The following SLC6A11 variants were observed in gnomAD, a reference collection of about 807,000 sequenced individuals.
The protein encoded by SLC6A11 is solute carrier family 6 member 11.
Under a neutral mutation model 74.8 loss-of-function variants are expected in SLC6A11, and 25 were observed. The ratio of observed to expected loss-of-function variants is 0.33; its 90% CI spans 0.24 to 0.47. SLC6A11 has a LOEUF of 0.47. Ranked by LOEUF, SLC6A11 falls within the 20% of genes least tolerant of loss-of-function variation. SLC6A11 has a pLI of 1.00. For synonymous variants in SLC6A11, 330 were observed against 330.2 expected, an observed-to-expected ratio of 1.00 and a Z score of 0.01; for missense variants, 574 against 837.0, an observed-to-expected ratio of 0.69 and a Z score of 3.88.
chr3:10,852,686 C>T (rs1227184212), intron 5 of SLC6A11, among the ~76,000 whole-genome samples: 1 of 152,212 alleles, frequency 6.6e-6, no homozygotes, highest in Non-Finnish European at 1.5e-5. Context: ...CAGCGCTGTC[C>T]CCGTGCACAT....
chr3:10,926,245 A>T lies in SLC6A11; in HGVS notation c.1233+129A>T, dbSNP rs1328325824. 1.6e-6 allele frequency: 1 copy of T among 625,074 alleles called. No individual in the cohort carries two copies. The highest frequency in any genetic ancestry group is 2.7e-5 in the East Asian group (1 of 37,528). 38.7% of individuals were successfully genotyped at this position (625,074 alleles called of 1,614,324 possible). ...TGGCCCTGGCATCAGGGCCCTGCCC[A>T]CCGTCCCCCATTCCACCCTCCACTT... is the stretch of plus-strand genomic sequence containing the variant. On this transcript the variant is annotated intron_variant, in intron 9 of 13. Transcript: ENST00000254488. The surrounding 1 kb of genome is among the most constrained non-coding windows in gnomAD (Gnocchi z 5.7).
chr3:10,825,357 A>G (rs1489524327), intron 4 of SLC6A11: 1 of 152,038 alleles, frequency 6.6e-6, no homozygotes, highest in East Asian at 1.9e-4. Flanking sequence ...GAGGTTAAGC[A>G]CCTTTTCATG....
chr3:10,927,336 G>C (rs2581212), intron 9 of SLC6A11, among the ~76,000 whole-genome samples: 121,892 of 152,198 alleles, frequency 0.8, 49,507 homozygotes, highest in African/African-American at 0.94. Flanking sequence ...TAAACCAGCA[G>C]TTGGGCCTGG....
chr3:10,823,727 C>G (rs1694167608), intron 4 of SLC6A11: 1 of 248,602 alleles, frequency 4.0e-6, no homozygotes, highest in Admixed American at 4.8e-5. Flanking sequence ...TAAGCTAAGT[C>G]AAGAGTGTAT....
chr3:10,862,607 T>C (rs1002895422), intron 5 of SLC6A11, among the ~76,000 whole-genome samples: 2 of 152,230 alleles, frequency 1.3e-5, no homozygotes, highest in African/African-American at 4.8e-5. Context: ...CTCTGCCTGC[T>C]TTGTGTCCTG....
In SLC6A11 at chr3:10,918,618, G is replaced by C. The variant is rs1695491974; in HGVS notation, c.1120+165G>C. ...AATCCAGGATCCTGGGAATTACCTA[G>C]GAGGAAAGTCTCGACACCTCCTCCC... On this transcript the variant is annotated intron_variant, in intron 8 of 13. Coordinates refer to ENST00000254488, the MANE Select transcript of SLC6A11 (RefSeq NM_014229.3). The surrounding 1 kb of genome is among the most constrained non-coding windows in gnomAD (Gnocchi z 4.5). Among the ~76,000 whole-genome samples the C allele has an allele frequency of 2.0e-5, 3 of 152,076 alleles. No individual in the cohort carries two copies. In the South Asian group the frequency reaches 6.2e-4, roughly 32 times the overall value.
At chr3:10,925,239 A>T (rs1268046265) in intron 8 of SLC6A11, among the ~76,000 whole-genome samples, 1 of 152,240 alleles carries the variant, frequency 6.6e-6, no homozygotes, top group Non-Finnish European at 1.5e-5. Context: ...ATCAGATTTC[A>T]TGTCTATTAA....
At chr3:10,869,746 G>C (rs1325547809) in intron 5 of SLC6A11, among the ~76,000 whole-genome samples, 1 of 152,246 alleles carries the variant, frequency 6.6e-6, no homozygotes, top group Admixed American at 6.5e-5. Context: ...GAGGAGGTTA[G>C]ACTCAGGAAC....
In SLC6A11 at chr3:10,816,507, A is replaced by T; in HGVS notation, c.242A>T (p.Tyr81Phe). 2 of 1,601,800 alleles carry T rather than the reference A, an allele frequency of 1.2e-6. No individual in the cohort carries two copies. Among genetic ancestry groups the T allele is most frequent in the Non-Finnish European group, 1.7e-6 (2 of 1,174,446 alleles). ...GNVWRFPYLC[Y>F]KNGGGAFLIP... ...GTGTGGCGCTTCCCCTACCTGTGCT[A>T]CAAGAACGGAGGAGGTGAGGTGATA... Residue 81 changes from tyrosine (Y) to phenylalanine (F), a missense_variant, in exon 1 of 14, where the codon TAC becomes TTC. This residue lies in a region of SLC6A11 where 215 missense variants were observed against 357.9 expected (regional missense o/e 0.60). Transcript: ENST00000254488. This position sits in a 1 kb window ranked among gnomAD's most constrained non-coding sequence, Gnocchi z 4.2.
At chr3:10,823,220 C>T (rs750165527) in intron 3 of SLC6A11, 82 bp from the exon 4 acceptor site, 13 of 989,684 alleles carry the variant, frequency 1.3e-5, no homozygotes, top group Admixed American at 1.3e-4. Context: ...TGCCTAGTTG[C>T]GCATCAGCTC....
chr3:10,816,361 C>A lies in SLC6A11; in HGVS notation c.96C>A (p.Gly32=). 1 of 1,462,800 alleles carries A rather than the reference C, an allele frequency of 6.8e-7. No homozygotes were observed. The highest frequency in any genetic ancestry group is 9.0e-7 in the Non-Finnish European group (1 of 1,107,500). 90.6% of individuals were successfully genotyped at this position (1,462,800 alleles called of 1,614,324 possible). The change falls in exon 1 of 14, where the codon GGC becomes GGA. Residue 32 remains glycine (G), a synonymous_variant. Transcript: ENST00000254488. The surrounding 1 kb of genome is among the most constrained non-coding windows in gnomAD (Gnocchi z 4.2). Reference sequence around the variant, plus strand: ...CGGGTGGCGGCTGCAGCAGCGGGGGCGCGGCGCCCGCGCGCCACCCGCGCG... The same window carrying A: ...CGGGTGGCGGCTGCAGCAGCGGGGGAGCGGCGCCCGCGCGCCACCCGCGCG... ...EAPGGGCSSG[G]AAPARHPRVK...
At chr3:10,932,432 G>T (rs544945339) in intron 10 of SLC6A11, among the ~76,000 whole-genome samples, 105 of 152,226 alleles carry the variant, frequency 6.9e-4, no homozygotes, top group Non-Finnish European at 1.2e-4. Flanking sequence ...ACCACCTACT[G>T]TGCACCAGCC....
At chr3:10,928,558 G>A (rs979969211) in intron 9 of SLC6A11, among the ~76,000 whole-genome samples, 14 of 152,142 alleles carry the variant, frequency 9.2e-5, no homozygotes, top group Non-Finnish European at 1.9e-4. Flanking sequence ...CTTAGCACAC[G>A]GGATACAGAT....
Position 10,937,756 on chromosome 3 carries a change from G to GT in SLC6A11, c.1747-494_1747-493insT, listed in dbSNP as rs1695775011. 2.0e-5 allele frequency among the ~76,000 whole-genome samples: 3 copies of GT among 152,172 alleles called. No homozygotes were observed. The South Asian group carries it at 6.2e-4, about 31-fold the overall frequency. ...AATGCTTCTACCTTTGAGCACAGCTGGAGGAACACCCAACACACACTACAC... is the reference window on the plus strand; with the variant it reads ...AATGCTTCTACCTTTGAGCACAGCTGTGAGGAACACCCAACACACACTACAC... On this transcript the variant is annotated intron_variant, in intron 13 of 13. Coordinates refer to ENST00000254488, the MANE Select transcript of SLC6A11 (RefSeq NM_014229.3).
chr3:10,828,050 C>G (rs530466999), intron 4 of SLC6A11, among the ~76,000 whole-genome samples: 2 of 152,162 alleles, frequency 1.3e-5, no homozygotes, highest in South Asian at 2.1e-4. Flanking sequence ...ATCTGGCATC[C>G]GTGCATTTAT....
At chr3:10,893,874 C>A (rs1197558436) in intron 6 of SLC6A11, among the ~76,000 whole-genome samples, 2 of 152,198 alleles carry the variant, frequency 1.3e-5, no homozygotes, top group Non-Finnish European at 2.9e-5. Flanking sequence ...TACACTTCAG[C>A]CTTAAGTACG....
intron 8 of SLC6A11, among the ~76,000 whole-genome samples, chr3:10,924,663 GA>G (rs546267178): frequency 2.7e-5 from 4 of 149,130 alleles, no homozygotes; most frequent in East Asian, 2.0e-4. Context: ...ACAACCTAAT[GA>G]AAAAAAAAGG....
chr3:10,907,797 C>T lies in SLC6A11; in HGVS notation c.892-4293C>T, dbSNP rs568642596. Among the ~76,000 whole-genome samples the T allele has an allele frequency of 1.4e-4, 21 of 152,228 alleles. No individual in the cohort carries two copies. In the South Asian group the frequency reaches 1.5e-3, roughly 11 times the overall value. ...AATTGCCTTTCGAGTATGAAAGTCACGGATCAACTATTCTAAACATGCAAG... is the reference window on the plus strand; with the variant it reads ...AATTGCCTTTCGAGTATGAAAGTCATGGATCAACTATTCTAAACATGCAAG... On this transcript the variant is annotated intron_variant, in intron 6 of 13. Transcript: ENST00000254488.
In SLC6A11 at chr3:10,933,079, G is replaced by GC. The variant is rs971125977; in HGVS notation, c.1372-70dup. On this transcript the variant is annotated intron_variant, in intron 10 of 13. Coordinates refer to ENST00000254488, the MANE Select transcript of SLC6A11 (RefSeq NM_014229.3). ...GAGCAGAGAGAGGGACCTTCCTGAG[G>GC]CCAGATGGCTGACCCTGCTCTCCCG... 3.9e-6 allele frequency: 4 copies of GC among 1,038,854 alleles called. No homozygotes were observed. The African/African-American group carries it at 6.3e-5, about 16-fold the overall frequency. The allele number at this position is 1,038,854 out of a possible 1,614,324, so 64.4% of individuals were successfully genotyped here.
Sources: gnomAD v4.1 joint callset for allele counts (sites outside exome capture counted in the v4.1 genomes callset) on GRCh38, gnomAD v4.1.1 for gene constraint, gnomAD v4.1.1 regional missense constraint, Gnocchi (gnomAD v3.1) non-coding constraint, MANE v1.5 for transcripts, NCBI Gene and HGNC (gene_info 2026-07-23, HGNC 2026-07-21) for gene names.